ETS1: variants seen among roughly 807,000 people sequenced by gnomAD.
The protein encoded by ETS1 is ETS proto-oncogene 1, transcription factor, also known as protein C-ets-1.
Under a neutral mutation model 58.6 loss-of-function variants are expected in ETS1, and 15 were observed. That is an observed-to-expected ratio of 0.26 (90% CI 0.17 to 0.39). The LOEUF is 0.39. Ranked by LOEUF, ETS1 falls within the 10% of genes least tolerant of loss-of-function variation. The probability of loss-of-function intolerance (pLI) is 1.00; values close to 1 mark genes in which losing one functional copy is unlikely to be tolerated. For synonymous variants in ETS1, 214 were observed against 218.2 expected, an observed-to-expected ratio of 0.98 and a Z score of 0.17; for missense variants, 417 against 610.5, an observed-to-expected ratio of 0.68 and a Z score of 3.34.
At chr11:128,571,760 C>A (rs929258250) in intron 2 of ETS1, 4 of 151,598 alleles carry the variant, frequency 2.6e-5, no homozygotes, top group Non-Finnish European at 5.9e-5. Context: ...AACTTATTTG[C>A]GACTGGGCTC....
chr11:128,562,982 A>G (rs1167477730), intron 2 of ETS1, among the ~76,000 whole-genome samples: 2 of 151,376 alleles, frequency 1.3e-5, no homozygotes, highest in African/African-American at 4.9e-5. Context: ...AAAAAAAAAG[A>G]ATAGGAGAAT....
chr11:128,500,329 G>A (rs1378252999), intron 3 of ETS1, among the ~76,000 whole-genome samples: 1 of 152,190 alleles, frequency 6.6e-6, no homozygotes, highest in Non-Finnish European at 1.5e-5. Flanking sequence ...CCCAATTAAT[G>A]ATGTTCAGAA....
intron 3 of ETS1, among the ~76,000 whole-genome samples, chr11:128,496,202 G>A (rs923888004): frequency 6.6e-6 from 1 of 152,080 alleles, no homozygotes; most frequent in African/African-American, 2.4e-5. Flanking sequence ...TATATTTCAT[G>A]CATTGGCCCA....
intron 3 of ETS1, among the ~76,000 whole-genome samples, chr11:128,494,695 C>A (rs80076885): frequency 0.03 from 4,640 of 152,226 alleles, 175 homozygotes; most frequent in South Asian, 0.16. Context: ...TGGCTCTTAC[C>A]AACAATGGTA....
rs576876684 is a variant in ETS1 at position 128,541,157 on chromosome 11, C to G, written c.214+15134G>C. On this transcript the variant is annotated intron_variant, in intron 3 of 9. Transcript: ENST00000392668. Reference sequence around the variant, plus strand: ...TCATTCCCAGTCCCCTGGTGCTCACCAGCTCTGCAGCTTGGCTGTGTCCGT... The same window carrying G: ...TCATTCCCAGTCCCCTGGTGCTCACGAGCTCTGCAGCTTGGCTGTGTCCGT... Among the ~76,000 whole-genome samples the G allele has an allele frequency of 2.6e-5, 4 of 152,302 alleles. No homozygotes were observed. The East Asian group carries it at 7.7e-4, about 29-fold the overall frequency.
At chr11:128,512,173 G>T (rs967050244) in intron 3 of ETS1, among the ~76,000 whole-genome samples, 6 of 152,184 alleles carry the variant, frequency 3.9e-5, no homozygotes, top group Non-Finnish European at 2.9e-5. Flanking sequence ...CCTTGGGCAA[G>T]TCGTTTAATC....
At chr11:128,518,395 G>A (rs924117181) in intron 3 of ETS1, among the ~76,000 whole-genome samples, 18 of 152,188 alleles carry the variant, frequency 1.2e-4, no homozygotes, top group African/African-American at 3.6e-4. Context: ...GACTTGCTCT[G>A]TAGTTAACTG....
intron 3 of ETS1, among the ~76,000 whole-genome samples, chr11:128,537,698 T>C (rs1183734851): frequency 6.6e-6 from 1 of 152,080 alleles, no homozygotes; most frequent in East Asian, 1.9e-4. Context: ...ATATTTCTAA[T>C]TGTGCTTTTT....
At chr11:128,500,863 A>G (rs1863070787) in intron 3 of ETS1, among the ~76,000 whole-genome samples, 1 of 152,134 alleles carries the variant, frequency 6.6e-6, no homozygotes, top group African/African-American at 2.4e-5. Context: ...GGACCTGAAG[A>G]ACGACCACCA....
chr11:128,550,784 T>C (rs2135552388), intron 3 of ETS1, among the ~76,000 whole-genome samples: 1 of 152,338 alleles, frequency 6.6e-6, no homozygotes. Context: ...TGTTTGGACT[T>C]TATTTAAAGA....
rs80012651 is a variant in ETS1, at chr11:128,582,250, G to A, written c.-15+5238C>T. ...GGGTGAACGTAGAACTGCTTGCTGC[G>A]TGTATGGCCATGAGCAAATTTCTTA... On this transcript the variant is annotated intron_variant, in intron 1 of 9. Transcript: ENST00000392668. Among the ~76,000 whole-genome samples, 40 of 152,250 alleles carry A rather than the reference G, an allele frequency of 2.6e-4. No homozygotes were observed. The East Asian group carries it at 5.0e-3, about 19-fold the overall frequency.
intron 8 of ETS1, among the ~76,000 whole-genome samples, chr11:128,477,763 A>G (rs932066100): frequency 6.6e-6 from 1 of 152,262 alleles, no homozygotes; most frequent in South Asian, 2.1e-4. Context: ...CAGTGAGCCC[A>G]CATACTCGCT....
intron 3 of ETS1, among the ~76,000 whole-genome samples, chr11:128,550,763 A>G (rs368397792): frequency 6.6e-6 from 1 of 152,178 alleles, no homozygotes; most frequent in Non-Finnish European, 1.5e-5. Flanking sequence ...ATGTTTCCCC[A>G]TCTCCCTTAA....
chr11:128,571,426 ACAGAGCGAGACTCCGTCCAGCCTGGGCG>A (rs1187608842), intron 2 of ETS1, among the ~76,000 whole-genome samples: 1 of 141,044 alleles, frequency 7.1e-6, no homozygotes, highest in African/African-American at 2.6e-5. Flanking sequence ...AGCCTGGGCG[ACAGAGCGAGACTCCGTCCAGCCTGGGCG>A]ACAGAGCGAG....
intron 2 of ETS1, among the ~76,000 whole-genome samples, chr11:128,565,379 A>C (rs928839084): frequency 2.0e-5 from 3 of 152,218 alleles, no homozygotes; most frequent in African/African-American, 7.2e-5. Flanking sequence ...TGAACATTCC[A>C]GCATCCAGAA....
chr11:128,572,869 G>A (rs1441897246), intron 2 of ETS1, among the ~76,000 whole-genome samples, 193 bp downstream of exon 2: 1 of 152,088 alleles, frequency 6.6e-6, no homozygotes, highest in Non-Finnish European at 1.5e-5. Flanking sequence ...ATCAGTATTT[G>A]GTTTTCTTTT....
chr11:128,466,757 A>C (rs1232685214), intron 8 of ETS1, among the ~76,000 whole-genome samples: 1 of 150,592 alleles, frequency 6.6e-6, no homozygotes, highest in Non-Finnish European at 1.5e-5. Context: ...TCCTAGGTGC[A>C]GAGCTCTCTA....
chr11:128,490,633 T>C (rs1379073921), intron 3 of ETS1, 57 bp from the exon 4 acceptor site: 2 of 1,407,572 alleles, frequency 1.4e-6, no homozygotes, highest in Admixed American at 1.7e-5. Flanking sequence ...GAACCAATCA[T>C]AAAACATTAC....
intron 2 of ETS1, among the ~76,000 whole-genome samples, chr11:128,558,668 A>C (rs1346793732): frequency 6.3e-3 from 41 of 6,548 alleles, no homozygotes; most frequent in East Asian, 0.12. Flanking sequence ...AAAAAAAAAA[A>C]AAAAAAAAAA....
Sources: gnomAD v4.1 joint callset for allele counts (sites outside exome capture counted in the v4.1 genomes callset) on GRCh38, gnomAD v4.1.1 for gene constraint, MANE v1.5 for transcripts, NCBI Gene and HGNC (gene_info 2026-07-23, HGNC 2026-07-21) for gene names.